Variants in B3GALT1 observed in about 807,000 individuals in gnomAD.
B3GALT1 encodes beta-1,3-galactosyltransferase 1.
In B3GALT1, 10 loss-of-function variants were observed where a neutral mutation model predicts 23.2. That is an observed-to-expected ratio of 0.43 (90% CI 0.27 to 0.73). The LOEUF is 0.73. Among genes scored for constraint, B3GALT1 ranks in the 30% least tolerant of loss-of-function variants. The probability of loss-of-function intolerance (pLI) is 0.21; values close to 1 mark genes in which losing one functional copy is unlikely to be tolerated. For missense variants in B3GALT1, 299 were observed against 405.4 expected (o/e 0.74, Z 2.25); for synonymous variants, 156 against 141.5 (o/e 1.10, Z -0.73).
chr2:167,829,444 T>C (rs868771075), intron 4 of B3GALT1, among the ~76,000 whole-genome samples: 167 of 150,168 alleles, frequency 1.1e-3, no homozygotes, highest in African/African-American at 3.9e-3. Context: ...GATCACGCCA[T>C]TGCACTCCAG....
Position 167,871,966 on chromosome 2 carries a change from A to G in B3GALT1, c.*1946A>G, listed in dbSNP as rs1438224195. 1.5e-5 allele frequency: 2 copies of G among 137,560 alleles called. No individual in the cohort carries two copies. Among genetic ancestry groups the G allele is most frequent in the East Asian group, 2.2e-4 (1 of 4,628 alleles). The allele number at this position is 137,560 out of a possible 1,614,324, so 8.5% of individuals were successfully genotyped here. On this transcript the variant is annotated 3_prime_UTR_variant, in exon 5 of 5. Transcript: ENST00000392690. ...GCCCAGGCGGGAGTGCAGTGGCACAATCTCGGCTCACTGCAAGCTCCGCCT... is the reference window on the plus strand; with the variant it reads ...GCCCAGGCGGGAGTGCAGTGGCACAGTCTCGGCTCACTGCAAGCTCCGCCT...
intron 3 of B3GALT1, among the ~76,000 whole-genome samples, chr2:167,792,740 A>T (rs1688457737): frequency 6.6e-6 from 1 of 152,184 alleles, no homozygotes. Flanking sequence ...AAAGGATATT[A>T]TGGTTACAAT....
chr2:167,836,460 G>A (rs1203422294), intron 4 of B3GALT1, among the ~76,000 whole-genome samples: 1 of 152,146 alleles, frequency 6.6e-6, no homozygotes, highest in Non-Finnish European at 1.5e-5. Flanking sequence ...AATGAAGCAA[G>A]AAGGGAAGTT....
chr2:167,424,302 A>T (rs1698591414), intron 1 of B3GALT1, among the ~76,000 whole-genome samples: 1 of 152,226 alleles, frequency 6.6e-6, no homozygotes, highest in African/African-American at 2.4e-5. Flanking sequence ...ATGCTACAAA[A>T]TGAGGAAAGG....
chr2:167,547,355 A>C (rs1159628525), intron 2 of B3GALT1, among the ~76,000 whole-genome samples: 3 of 152,182 alleles, frequency 2.0e-5, no homozygotes, highest in Non-Finnish European at 4.4e-5. Context: ...CCAACAAAAA[A>C]ATTACATTTA....
intron 3 of B3GALT1, among the ~76,000 whole-genome samples, chr2:167,764,609 A>G (rs964305457): frequency 2.0e-5 from 3 of 152,220 alleles, no homozygotes; most frequent in African/African-American, 4.8e-5. Context: ...TGAGAGTTTA[A>G]TAAGTTTTAT....
chr2:167,387,612 T>A (rs1211808935), intron 1 of B3GALT1, among the ~76,000 whole-genome samples: 2 of 152,254 alleles, frequency 1.3e-5, no homozygotes, highest in African/African-American at 4.8e-5. Context: ...AAAGAGGGTC[T>A]GAATCAATTC....
chr2:167,513,068 C>CAAA (rs544667836), intron 2 of B3GALT1, among the ~76,000 whole-genome samples: 264 of 70,904 alleles, frequency 3.7e-3, no homozygotes, highest in Middle Eastern at 8.8e-3. Context: ...ATTCATGCCA[C>CAAA]AAAAAAAAAA....
intron 1 of B3GALT1, among the ~76,000 whole-genome samples, chr2:167,400,664 A>G (rs1383051590): frequency 6.6e-6 from 1 of 152,096 alleles, no homozygotes; most frequent in Non-Finnish European, 1.5e-5. Flanking sequence ...ACTGTTGTAG[A>G]CTTAAACTTT....
At chr2:167,464,013 T>C (rs891307932) in intron 1 of B3GALT1, among the ~76,000 whole-genome samples, 3 of 152,188 alleles carry the variant, frequency 2.0e-5, no homozygotes, top group African/African-American at 4.8e-5. Context: ...AGCTCTGCCT[T>C]ACTCAGGTCT....
intron 3 of B3GALT1, among the ~76,000 whole-genome samples, chr2:167,722,061 A>T (rs1291826968): frequency 2.0e-5 from 3 of 152,160 alleles, no homozygotes; most frequent in African/African-American, 7.2e-5. Context: ...GCTTTTGTTG[A>T]AGAAATTTAT....
chr2:167,475,858 C>T (rs1412472864), intron 1 of B3GALT1, among the ~76,000 whole-genome samples: 1 of 152,124 alleles, frequency 6.6e-6, no homozygotes, highest in Non-Finnish European at 1.5e-5. Flanking sequence ...TTCCAGGCCT[C>T]TCTCCCAGCT....
At chr2:167,740,154 A>G (rs910623841) in intron 3 of B3GALT1, among the ~76,000 whole-genome samples, 3 of 151,572 alleles carry the variant, frequency 2.0e-5, no homozygotes, top group African/African-American at 7.3e-5. Context: ...AAGAAATTCT[A>G]CTAGAGAAGC....
In B3GALT1 at chr2:167,377,788, T is replaced by C. The variant is rs77694711; in HGVS notation, c.-511+84454T>C. The stretch of plus-strand genomic sequence containing the variant: ...TTTTTTAATTCAACTTGCCACTCTG[T>C]GCCTTTTAAGTGAGACATTTAGGTC... On this transcript the variant is annotated intron_variant, in intron 1 of 4. Coordinates refer to ENST00000392690, the MANE Select transcript of B3GALT1 (RefSeq NM_020981.4). 7.5e-4 allele frequency among the ~76,000 whole-genome samples: 114 copies of C among 152,294 alleles called. 1 individual carries two copies. In the East Asian group the frequency reaches 0.018, roughly 24 times the overall value.
intron 2 of B3GALT1, among the ~76,000 whole-genome samples, chr2:167,555,516 T>A (rs1195231166): frequency 6.6e-6 from 1 of 152,180 alleles, no homozygotes; most frequent in Non-Finnish European, 1.5e-5. Flanking sequence ...TCTGGAGCTA[T>A]CTTTTTGCTT....
intron 3 of B3GALT1, among the ~76,000 whole-genome samples, chr2:167,700,659 G>T (rs1005853615): frequency 1.3e-5 from 2 of 152,106 alleles, no homozygotes. Flanking sequence ...AAAGCATATT[G>T]GATTCTCAGT....
intron 3 of B3GALT1, among the ~76,000 whole-genome samples, chr2:167,708,188 T>C (rs190324012): frequency 6.0e-4 from 91 of 152,336 alleles, no homozygotes; most frequent in Non-Finnish European, 1.1e-3. Flanking sequence ...AAATCAAATG[T>C]AGGAAATAAT....
At chr2:167,564,780 C>G (rs992900893) in intron 2 of B3GALT1, among the ~76,000 whole-genome samples, 22 of 152,166 alleles carry the variant, frequency 1.4e-4, no homozygotes, top group African/African-American at 5.1e-4. Flanking sequence ...AATAAAATAC[C>G]TAGGAATCCC....
intron 1 of B3GALT1, among the ~76,000 whole-genome samples, chr2:167,463,358 G>A (rs114451867): frequency 6.6e-6 from 1 of 151,706 alleles, no homozygotes; most frequent in African/African-American, 2.4e-5. Context: ...GAGTCTATAC[G>A]GTCATCTCCT....
Sources: allele counts gnomAD v4.1 joint callset (sites outside exome capture counted in the v4.1 genomes callset), GRCh38; gene constraint gnomAD v4.1.1; transcripts MANE v1.5; gene names NCBI Gene and HGNC (gene_info 2026-07-23, HGNC 2026-07-21).